The following BLTP3B variants were observed in gnomAD, a reference collection of about 807,000 sequenced individuals.
BLTP3B encodes UHRF1 (ICBP90) binding protein 1-like.
the BLTP3B span, among the ~76,000 whole-genome samples, chr12:100,135,598 A>G: frequency 6.6e-6 from 1 of 152,104 alleles, no homozygotes; most frequent in East Asian, 1.9e-4. Flanking sequence ...AAGCCTTCCC[A>G]ATCACCAGAT....
the BLTP3B span, among the ~76,000 whole-genome samples, chr12:100,061,507 A>G: frequency 9.9e-5 from 15 of 152,096 alleles, no homozygotes; most frequent in Admixed American, 9.8e-4. Flanking sequence ...AATGCAAAAA[A>G]TTAGCCGGGC....
the BLTP3B span, among the ~76,000 whole-genome samples, chr12:100,075,305 C>T: frequency 1.4e-4 from 21 of 151,882 alleles, no homozygotes; most frequent in African/African-American, 3.9e-4. Flanking sequence ...CCACCACGCC[C>T]GGCTACACCT....
the BLTP3B span, among the ~76,000 whole-genome samples, chr12:100,127,035 A>C: frequency 6.6e-6 from 1 of 151,422 alleles, no homozygotes; most frequent in Non-Finnish European, 1.5e-5. Context: ...ATAACACTTC[A>C]CCTTGAATAA....
the BLTP3B span, among the ~76,000 whole-genome samples, chr12:100,083,701 AAAG>A: frequency 2.0e-5 from 3 of 152,052 alleles, no homozygotes; most frequent in Non-Finnish European, 4.4e-5. Context: ...AAAAAAAAAA[AAAG>A]TAGTAGTATC....
the BLTP3B span, among the ~76,000 whole-genome samples, chr12:100,073,465 G>A: frequency 1.3e-5 from 2 of 150,892 alleles, no homozygotes; most frequent in Admixed American, 1.3e-4. Flanking sequence ...CTCCCAAAGT[G>A]CTGGGATTAC....
chr12:100,091,560 T>C, the BLTP3B span, among the ~76,000 whole-genome samples: 1 of 151,708 alleles, frequency 6.6e-6, no homozygotes, highest in Non-Finnish European at 1.5e-5. Flanking sequence ...TGGAGTGCAG[T>C]GGCATGATCT....
At chr12:100,046,670 A>G in the BLTP3B span, among the ~76,000 whole-genome samples, 1 of 152,110 alleles carries the variant, frequency 6.6e-6, no homozygotes, top group Non-Finnish European at 1.5e-5. Flanking sequence ...GCACATGTAT[A>G]CCTATGTAAA....
chr12:100,121,482 T>C, the BLTP3B span, among the ~76,000 whole-genome samples: 1 of 150,808 alleles, frequency 6.6e-6, no homozygotes, highest in Admixed American at 6.6e-5. Context: ...CTTTTGAGGG[T>C]GGTGAATATT....
chr12:100,125,335 C>CAAAAA, the BLTP3B span, among the ~76,000 whole-genome samples: 1 of 74,122 alleles, frequency 1.3e-5, no homozygotes, highest in African/African-American at 4.5e-5. Flanking sequence ...GTTTCCATCT[C>CAAAAA]AAAAAAAAAA....
chr12:100,090,115 G>A, the BLTP3B span, among the ~76,000 whole-genome samples: 14 of 152,276 alleles, frequency 9.2e-5, no homozygotes, highest in African/African-American at 2.6e-4. Context: ...TATCAGCAGC[G>A]TGAAAAGGGA....
the BLTP3B span, among the ~76,000 whole-genome samples, chr12:100,041,429 C>CTTTTTT: frequency 2.0e-5 from 2 of 101,812 alleles, no homozygotes; most frequent in Non-Finnish European, 3.7e-5. Flanking sequence ...GCTATTGTTA[C>CTTTTTT]TTTTTTTTTT....
chr12:100,095,894 G>T, the BLTP3B span: 2 of 1,371,308 alleles, frequency 1.5e-6, no homozygotes, highest in South Asian at 1.4e-5. Context: ...CTTATAATAC[G>T]CTTGTATTAA....
At chr12:100,048,771 A>AGTGTGTGTGT in the BLTP3B span, among the ~76,000 whole-genome samples, 41 of 115,024 alleles carry the variant, frequency 3.6e-4, 1 homozygote, top group East Asian at 1.3e-3. Context: ...AGTGAGAGTG[A>AGTGTGTGTGT]GTGTGTGTGT....
chr12:100,057,820 T>C, the BLTP3B span: 1 of 1,409,506 alleles, frequency 7.1e-7, no homozygotes, highest in Non-Finnish European at 9.5e-7. Flanking sequence ...TCTAAGAGAA[T>C]TAAAATATGT....
chr12:100,122,201 C>T, the BLTP3B span, among the ~76,000 whole-genome samples: 18 of 152,228 alleles, frequency 1.2e-4, no homozygotes, highest in African/African-American at 4.1e-4. Context: ...TTGAAAACCA[C>T]CCCATTGCAT....
chr12:100,094,260 C>T, the BLTP3B span, among the ~76,000 whole-genome samples: 1 of 152,088 alleles, frequency 6.6e-6, no homozygotes, highest in Admixed American at 6.5e-5. Flanking sequence ...TATATGCCAC[C>T]ACCACCACAC....
chr12:100,065,678 C>T, the BLTP3B span, among the ~76,000 whole-genome samples: 1 of 152,088 alleles, frequency 6.6e-6, no homozygotes, highest in African/African-American at 2.4e-5. Flanking sequence ...GATCTTGAAC[C>T]CTGTTTTCTG....
the BLTP3B span, among the ~76,000 whole-genome samples, chr12:100,096,640 G>A: frequency 3.3e-5 from 5 of 151,726 alleles, no homozygotes; most frequent in African/African-American, 4.8e-5. Flanking sequence ...ACAACAAAGC[G>A]AGACCCTGTC....
chr12:100,057,535 C>G, the BLTP3B span: 4 of 1,564,430 alleles, frequency 2.6e-6, no homozygotes, highest in Admixed American at 3.6e-5. Flanking sequence ...GGTGTATGTA[C>G]GTAATATGAA....
Sources: gnomAD v4.1 joint callset for allele counts (sites outside exome capture counted in the v4.1 genomes callset) on GRCh38, gnomAD v4.1.1 for gene constraint, MANE v1.5 for transcripts, NCBI Gene and HGNC (gene_info 2026-07-23, HGNC 2026-07-21) for gene names.